The following MPRIP variants were observed in gnomAD, a reference collection of about 807,000 sequenced individuals.
MPRIP encodes the protein myosin phosphatase Rho-interacting protein.
Under a neutral mutation model 234.9 loss-of-function variants are expected in MPRIP, and 59 were observed. That is an observed-to-expected ratio of 0.25 (90% CI 0.20 to 0.31). The LOEUF is 0.31. Ranked by LOEUF, MPRIP falls within the 10% of genes least tolerant of loss-of-function variation. MPRIP has a pLI of 1.00. For synonymous variants in MPRIP, 1,144 were observed against 1,263.9 expected (o/e 0.91, Z 2.01); for missense variants, 2,436 against 3,071.0 (o/e 0.79, Z 4.89).
intron 3 of MPRIP, among the ~76,000 whole-genome samples, chr17:17,087,920 G>T (rs756471309): frequency 1.3e-5 from 2 of 152,068 alleles, no homozygotes; most frequent in African/African-American, 4.8e-5. Context: ...TGTCCCGTGC[G>T]CTTACCTTCC....
intron 3 of MPRIP, among the ~76,000 whole-genome samples, chr17:17,120,770 T>C (rs903575460): frequency 6.6e-6 from 1 of 152,200 alleles, no homozygotes; most frequent in African/African-American, 2.4e-5. Context: ...TCTGGAGGTA[T>C]AGAATTAGGG....
At position 17,167,112 on chromosome 17, in the gene MPRIP, G is replaced by A. The variant is rs1392582614; in HGVS notation, c.5521G>A (p.Asp1841Asn). 7.7e-7 allele frequency: 1 copy of A among 1,304,254 alleles called. No homozygotes were observed. Among genetic ancestry groups the A allele is most frequent in the East Asian group, 5.6e-5 (1 of 17,998 alleles). The allele number at this position is 1,304,254 out of a possible 1,614,324, so 80.8% of individuals were successfully genotyped here. The change falls in exon 16 of 24, where the codon GAT (aspartate) becomes AAT (asparagine). Residue 1841 changes from aspartate (D) to asparagine (N), a missense_variant. Asp to Asn is a conservative substitution (Grantham distance 23, BLOSUM62 1). Transcript: ENST00000651222. This position sits in a 1 kb window ranked among gnomAD's most constrained non-coding sequence, Gnocchi z 5.9. ...LGQYSSLLVQ[D>N]AIIQAQVCYA... is the part of the protein sequence containing the mutation. Reference sequence around the variant, plus strand: ...TCAGTATTCTTCATTGTTGGTTCAGGATGCCATTATTCAGGCCCAGGTTTG... The same window carrying A: ...TCAGTATTCTTCATTGTTGGTTCAGAATGCCATTATTCAGGCCCAGGTTTG...
intron 3 of MPRIP, among the ~76,000 whole-genome samples, chr17:17,113,839 A>G (rs2090221681): frequency 6.8e-6 from 1 of 146,558 alleles, no homozygotes; most frequent in East Asian, 2.0e-4. Context: ...GTGAACTAGC[A>G]TCTCATTGTG....
chr17:17,130,793 C>T (rs902932677), intron 4 of MPRIP, among the ~76,000 whole-genome samples: 1 of 152,196 alleles, frequency 6.6e-6, no homozygotes, highest in African/African-American at 2.4e-5. Flanking sequence ...GTCTAGCCCC[C>T]ACAGGACTGA....
intron 4 of MPRIP, among the ~76,000 whole-genome samples, chr17:17,128,941 C>T (rs2090545162): frequency 6.6e-6 from 1 of 152,242 alleles, no homozygotes; most frequent in Non-Finnish European, 1.5e-5. Context: ...GAGCGCCATT[C>T]TGGGTCTGAG....
chr17:17,095,194 A>G (rs763355388), intron 3 of MPRIP, among the ~76,000 whole-genome samples: 2 of 151,910 alleles, frequency 1.3e-5, no homozygotes, highest in Non-Finnish European at 2.9e-5. Flanking sequence ...CATTTCAGTT[A>G]TTTTGAAGTT....
intron 3 of MPRIP, among the ~76,000 whole-genome samples, chr17:17,115,602 C>G (rs550592563): frequency 1.1e-4 from 16 of 152,326 alleles, no homozygotes; most frequent in Middle Eastern, 3.4e-3. Context: ...CGTGGTTATA[C>G]AACCACCAAC....
At chr17:17,043,618 C>T (rs2088251791) in intron 1 of MPRIP, among the ~76,000 whole-genome samples, 1 of 152,198 alleles carries the variant, frequency 6.6e-6, no homozygotes, top group African/African-American at 2.4e-5. Context: ...GGGCTTTGAA[C>T]TAGTTATGAC....
intron 13 of MPRIP, 109 bp downstream of exon 13, chr17:17,154,524 C>T (rs1319522707): frequency 1.2e-6 from 1 of 819,918 alleles, no homozygotes; most frequent in African/African-American, 1.7e-5. Context: ...CTCAGTGCAT[C>T]CCAGTCTGCT....
At chr17:17,142,808 G>A in intron 8 of MPRIP, 43 bp downstream of exon 8, 3 of 1,600,072 alleles carry the variant, frequency 1.9e-6, no homozygotes, top group Non-Finnish European at 2.6e-6. Flanking sequence ...GTGGCTCGGG[G>A]GCGGGTCAGC....
intron 3 of MPRIP, among the ~76,000 whole-genome samples, chr17:17,091,856 A>G (rs2089726152): frequency 6.6e-6 from 1 of 152,200 alleles, no homozygotes; most frequent in East Asian, 1.9e-4. Context: ...AGAGAATACT[A>G]TTTGTGCTCC....
In MPRIP at chr17:17,186,444, T is replaced by TCTC. The variant is rs2046476767; in HGVS notation, c.*1552_*1554dup. ...TCTTCTCACTGAAATAACTAAGTGC[T>TCTC]CTCCACTGGCATCGAGCCCTTTCCA... is the stretch of plus-strand genomic sequence containing the variant. On this transcript the variant is annotated 3_prime_UTR_variant, in exon 24 of 24. Coordinates refer to ENST00000651222, the MANE Select transcript of MPRIP (RefSeq NM_001364716.4). The TCTC allele has an allele frequency of 6.6e-6, 1 of 152,168 alleles. No homozygotes were observed. The highest frequency in any genetic ancestry group is 3.2e-3 in the Middle Eastern group (1 of 316). 9.4% of individuals were successfully genotyped at this position (152,168 alleles called of 1,614,324 possible).
chr17:17,137,819 C>T, intron 6 of MPRIP, 97 bp from the exon 7 acceptor site: 1 of 1,125,836 alleles, frequency 8.9e-7, no homozygotes, highest in Non-Finnish European at 1.2e-6. Context: ...GGAGAAGGCC[C>T]CTGCTTGGAT....
chr17:17,178,211 C>G (rs187620161), intron 22 of MPRIP, among the ~76,000 whole-genome samples: 34 of 152,282 alleles, frequency 2.2e-4, no homozygotes, highest in Middle Eastern at 6.8e-3. Context: ...GTGTGAGCCA[C>G]TGCACCTGGC....
At chr17:17,087,769 A>G (rs2089625349) in intron 3 of MPRIP, among the ~76,000 whole-genome samples, 1 of 152,176 alleles carries the variant, frequency 6.6e-6, no homozygotes, top group African/African-American at 2.4e-5. Flanking sequence ...TGTCCTCCCC[A>G]GCTCTTTCTT....
At chr17:17,136,993 G>A (rs1353875178) in intron 6 of MPRIP, among the ~76,000 whole-genome samples, 1 of 152,136 alleles carries the variant, frequency 6.6e-6, no homozygotes, top group Admixed American at 6.5e-5. Flanking sequence ...AGGCTCTAGA[G>A]GGCTCTGTAA....
At chr17:17,169,620 G>A (rs557444640) in intron 16 of MPRIP, among the ~76,000 whole-genome samples, 10 of 152,364 alleles carry the variant, frequency 6.6e-5, no homozygotes, top group African/African-American at 2.4e-4. Flanking sequence ...CTTAGCTGCC[G>A]TTGCATAGTG....
At chr17:17,163,711 G>A (rs1229452236) in intron 15 of MPRIP, among the ~76,000 whole-genome samples, 2 of 152,062 alleles carry the variant, frequency 1.3e-5, no homozygotes, top group African/African-American at 4.8e-5. Flanking sequence ...TCAAGACTGC[G>A]TACTTTTTGT....
At position 17,164,985 on chromosome 17, in the gene MPRIP, C is replaced by A; in HGVS notation, c.3394C>A (p.Arg1132=). Residue 1132 remains arginine, a synonymous_variant, in exon 16 of 24, where the codon CGG becomes AGG. Coordinates refer to ENST00000651222, the MANE Select transcript of MPRIP (RefSeq NM_001364716.4). The stretch of plus-strand genomic sequence containing the variant: ...GTCCGACGAGGATGTGGCTGAGCTC[C>A]GGGAAAAGCTGAGGAGAAGAGAGGC... ...ATSDEDVAEL[R]EKLRRREADN... 7.7e-7 allele frequency: 1 copy of A among 1,302,502 alleles called. No individual in the cohort carries two copies. 80.7% of individuals were successfully genotyped at this position (1,302,502 alleles called of 1,614,324 possible).
Sources: gnomAD v4.1 joint callset for allele counts (sites outside exome capture counted in the v4.1 genomes callset) on GRCh38, gnomAD v4.1.1 for gene constraint, Gnocchi (gnomAD v3.1) non-coding constraint, MANE v1.5 for transcripts, NCBI Gene and HGNC (gene_info 2026-07-23, HGNC 2026-07-21) for gene names.